MACF1: variants seen among roughly 807,000 people sequenced by gnomAD.
MACF1 encodes microtubule-actin cross-linking factor 1.
In MACF1, 193 loss-of-function variants were observed where a neutral mutation model predicts 854.8. That is an observed-to-expected ratio of 0.23 (90% CI 0.20 to 0.25). The LOEUF (loss-of-function observed/expected upper bound fraction) is 0.25. Ranked by LOEUF, MACF1 falls within the 10% of genes least tolerant of loss-of-function variation. MACF1 has a pLI of 1.00. For synonymous variants in MACF1, 3,185 were observed against 3,226.7 expected (o/e 0.99, Z 0.44); for missense variants, 7,722 against 8,929.1 (o/e 0.86, Z 5.45).
Position 39,336,285 on chromosome 1 carries a change from G to A in MACF1, c.9697G>A (p.Glu3233Lys). ...TCTCAAATCTGAAATAGCAACACAG[G>A]AACTAACTGGAGAGAAATTTCTAGA... is the stretch of plus-strand genomic sequence containing the variant. ...GTLKSEIATQELTGEKFLEMA... is the reference protein window; with the variant it reads ...GTLKSEIATQKLTGEKFLEMA... The change falls in exon 37 of 101, where the codon GAA (glutamate) becomes AAA (lysine). Residue 3233 changes from glutamate (E) to lysine (K), a missense_variant. Physicochemically the swap from Glu to Lys is moderately conservative, Grantham distance 56 (BLOSUM62 1). Around this residue, in one of 15 missense-constraint regions of MACF1, gnomAD observed 854 missense variants for 852.6 expected, o/e 1.00. Coordinates refer to ENST00000564288, the MANE Select transcript of MACF1 (RefSeq NM_001394062.1). The A allele has an allele frequency of 6.2e-7, 1 of 1,614,094 alleles. No individual in the cohort carries two copies. The highest frequency in any genetic ancestry group is 8.5e-7 in the Non-Finnish European group (1 of 1,180,004).
In MACF1 at chr1:39,361,576, C is replaced by T; in HGVS notation, c.12670C>T (p.Leu4224Phe). The change falls in exon 49 of 101, where the codon CTC becomes TTC. Residue 4224 changes from leucine (L) to phenylalanine (F), a missense_variant. By Grantham distance (22) the Leu-to-Phe change is conservative. Transcript: ENST00000564288. The part of the protein sequence containing the change: ...LLPQAEMFEH[L>F]SGKLQQFMEN... ...ACCCCAGGCAGAGATGTTTGAACAC[C>T]TCTCTGGTAAGCTGCAGCAGTTCAT... 1 of 1,614,146 alleles carries T rather than the reference C, an allele frequency of 6.2e-7. No individual in the cohort carries two copies. The highest frequency in any genetic ancestry group is 8.5e-7 in the Non-Finnish European group (1 of 1,180,034).
At chr1:39,422,350 C>G (rs749271485) in intron 58 of MACF1, 24 bp from the exon 59 acceptor site, 8 of 1,608,446 alleles carry the variant, frequency 5.0e-6, no homozygotes, top group Non-Finnish European at 6.8e-6. Context: ...TGTATTAAAT[C>G]TTCTTTGGCT....
intron 2 of MACF1, among the ~76,000 whole-genome samples, chr1:39,194,448 G>T (rs1277377949): frequency 1.3e-5 from 2 of 148,758 alleles, no homozygotes; most frequent in African/African-American, 5.0e-5. Flanking sequence ...CCACCTCCCG[G>T]GCTCAAGGGA....
At chr1:39,477,572 T>C (rs565871003) in intron 97 of MACF1, among the ~76,000 whole-genome samples, 1 of 152,140 alleles carries the variant, frequency 6.6e-6, no homozygotes, top group South Asian at 2.1e-4. Flanking sequence ...CAGTGACCTT[T>C]GCCAGAGCAA....
At chr1:39,382,325 C>T (rs1650296538) in intron 56 of MACF1, among the ~76,000 whole-genome samples, 173 bp downstream of exon 56, 1 of 152,060 alleles carries the variant, frequency 6.6e-6, no homozygotes, top group African/African-American at 2.4e-5. Flanking sequence ...AGTAAACAGT[C>T]AAAAACTCTA....
rs143755803 is a variant in MACF1, at chr1:39,485,570, C to T, written c.22444C>T (p.Arg7482Trp). Residue 7482 changes from arginine (R) to tryptophan (W), a missense_variant, in exon 101 of 101, where the codon CGG (arginine) becomes TGG (tryptophan). Physicochemically the swap from Arg to Trp is moderately radical, Grantham distance 101. Transcript: ENST00000564288. ...PKKSASRPGSRAGSRAGSRAS... is the reference protein window; with the variant it reads ...PKKSASRPGSWAGSRAGSRAS... ...AAAGTCTGCCAGTCGCCCTGGGAGT[C>T]GGGCTGGGAGTCGAGCCGGGAGTCG... The T allele has an allele frequency of 9.3e-6, 15 of 1,613,542 alleles. No individual in the cohort carries two copies. Among genetic ancestry groups the T allele is most frequent in the African/African-American group, 4.0e-5 (3 of 74,894 alleles).
At chr1:39,251,992 A>G in intron 4 of MACF1, 51 bp downstream of exon 4, 1 of 1,302,286 alleles carries the variant, frequency 7.7e-7, no homozygotes, top group Non-Finnish European at 1.0e-6. Context: ...CTGGCACTGC[A>G]GGGCCATCAG....
intron 30 of MACF1, 99 bp from the exon 31 acceptor site, chr1:39,319,565 A>C: frequency 1.3e-6 from 1 of 774,514 alleles, no homozygotes; most frequent in Non-Finnish European, 2.1e-6. Context: ...ATTCTGATGC[A>C]GCTAAGGTTT....
At position 39,306,969 on chromosome 1, in the gene MACF1, G is replaced by A. The variant is rs181222690; in HGVS notation, c.2790-2601G>A. On this transcript the variant is annotated intron_variant, in intron 23 of 100. Coordinates refer to ENST00000564288, the MANE Select transcript of MACF1 (RefSeq NM_001394062.1). The stretch of plus-strand genomic sequence containing the variant: ...AGCACATGGCAGCCTCCACCTCCTG[G>A]GCTCAAGTGATTCTCCTGCCTCAGC... Among the ~76,000 whole-genome samples the A allele has an allele frequency of 2.3e-3, 351 of 151,518 alleles. 1 individual carries two copies. Among genetic ancestry groups the A allele is most frequent in the Middle Eastern group, 6.8e-3 (2 of 292 alleles).
rs1363837765 is a variant in MACF1, at chr1:39,287,311, G to A, written c.1534G>A (p.Val512Ile). ...GGTCATGCGTCTTCAGGATGAGCTG[G>A]TCACCTTGCGTCTAGAGTGTACAAA... ...FRVMRLQDEL[V>I]TLRLECTNLY... is the part of the protein sequence containing the mutation. The change falls in exon 15 of 101, where the codon GTC becomes ATC. Residue 512 changes from valine (V) to isoleucine (I), a missense_variant. Val to Ile is a conservative substitution (Grantham distance 29). Transcript: ENST00000564288. 1 of 1,613,876 alleles carries A rather than the reference G, an allele frequency of 6.2e-7. No individual in the cohort carries two copies. The highest frequency in any genetic ancestry group is 8.5e-7 in the Non-Finnish European group (1 of 1,180,002).
chr1:39,475,991 A>G (rs894511918), intron 97 of MACF1, among the ~76,000 whole-genome samples: 1 of 152,188 alleles, frequency 6.6e-6, no homozygotes, highest in African/African-American at 2.4e-5. Flanking sequence ...TTTCAAAAAC[A>G]AGAGAGCAGT....
intron 36 of MACF1, 126 bp downstream of exon 36, chr1:39,327,479 C>A: frequency 4.1e-6 from 4 of 974,726 alleles, no homozygotes; most frequent in Non-Finnish European, 5.9e-6. Flanking sequence ...TTTAACCTCA[C>A]CTTAGCAGCC....
At chr1:39,296,702 C>T (rs981434050) in intron 20 of MACF1, among the ~76,000 whole-genome samples, 1 of 145,272 alleles carries the variant, frequency 6.9e-6, no homozygotes, top group African/African-American at 2.6e-5. Flanking sequence ...TGCACTCCAG[C>T]CTGGGCAACA....
chr1:39,254,458 G>C lies in MACF1; in HGVS notation c.435+83G>C, dbSNP rs1394535129. 4 of 1,206,194 alleles carry C rather than the reference G, an allele frequency of 3.3e-6. No individual in the cohort carries two copies. In the East Asian group the frequency reaches 9.3e-5, roughly 28 times the overall value. 74.7% of individuals were successfully genotyped at this position (1,206,194 alleles called of 1,614,324 possible). On this transcript the variant is annotated intron_variant, in intron 5 of 100. Transcript: ENST00000564288. ...TTCAGAGATGTTTTTAGTGCCCCTA[G>C]TAAGCTCTCAGTAAATGCTAAATCT...
intron 61 of MACF1, among the ~76,000 whole-genome samples, chr1:39,425,993 T>C (rs1643714810): frequency 6.6e-6 from 1 of 152,208 alleles, no homozygotes; most frequent in Non-Finnish European, 1.5e-5. Flanking sequence ...TTGATGCTTC[T>C]AAATTATTTT....
Position 39,429,889 on chromosome 1 carries a change from A to G in MACF1, c.16951A>G (p.Thr5651Ala), listed in dbSNP as rs770367991. The G allele has an allele frequency of 1.2e-6, 2 of 1,614,018 alleles. No individual in the cohort carries two copies. Among genetic ancestry groups the G allele is most frequent in the African/African-American group, 1.3e-5 (1 of 74,930 alleles). The change falls in exon 65 of 101, where the codon ACA (threonine) becomes GCA (alanine). Residue 5651 changes from threonine (T) to alanine (A), a missense_variant. By Grantham distance (58) the Thr-to-Ala change is moderately conservative. Coordinates refer to ENST00000564288, the MANE Select transcript of MACF1 (RefSeq NM_001394062.1). ...TATAAAGACTCGTTACGCAGACATC[A>G]CAGTTACTAGCTCCAAGGCCCTCAG... Reference protein sequence around the residue: ...DGIKTRYADITVTSSKALRTL... With the variant: ...DGIKTRYADIAVTSSKALRTL...
intron 96 of MACF1, 80 bp downstream of exon 96, chr1:39,468,812 T>A: frequency 8.0e-7 from 1 of 1,242,446 alleles, no homozygotes. Flanking sequence ...GAAGCATTGA[T>A]GGTGGGGTCT....
At chr1:39,269,722 T>C (rs1645279037) in intron 6 of MACF1, 1 of 1,286,720 alleles carries the variant, frequency 7.8e-7, no homozygotes, top group Non-Finnish European at 1.0e-6. Flanking sequence ...CTGGAAGAGG[T>C]AGGTGGGCAT....
chr1:39,368,457 CT>C (rs34223511), intron 50 of MACF1, 143 bp downstream of exon 50: 18 of 761,670 alleles, frequency 2.4e-5, no homozygotes, highest in Non-Finnish European at 3.0e-5. Flanking sequence ...TGAAAAGTGC[CT>C]TTTTTTAGGC....
Sources: allele counts gnomAD v4.1 joint callset (sites outside exome capture counted in the v4.1 genomes callset), GRCh38; gene constraint gnomAD v4.1.1; regional missense constraint gnomAD v4.1.1; transcripts MANE v1.5; gene names NCBI Gene and HGNC (gene_info 2026-07-23, HGNC 2026-07-21).